TENM4: variants seen among roughly 807,000 people sequenced by gnomAD.
TENM4 encodes teneurin-4.
Under a neutral mutation model 243.3 loss-of-function variants are expected in TENM4, and 82 were observed. The observed-to-expected ratio is 0.34, with a 90% CI of 0.28 to 0.40. TENM4 has a LOEUF of 0.40. TENM4 is among the 10% of genes least tolerant of loss of function. The probability of loss-of-function intolerance (pLI) is 1.00; values close to 1 mark genes in which losing one functional copy is unlikely to be tolerated. For missense variants in TENM4, 3,138 were observed against 3,673.3 expected, an observed-to-expected ratio of 0.85 and a Z score of 3.77; for synonymous variants, 1,412 against 1,456.3, an observed-to-expected ratio of 0.97 and a Z score of 0.69.
chr11:78,917,685 G>A (rs554477718), intron 6 of TENM4, among the ~76,000 whole-genome samples: 1 of 152,224 alleles, frequency 6.6e-6, no homozygotes, highest in African/African-American at 2.4e-5. Context: ...AATATTGAAG[G>A]CTTGCTGGGC....
At chr11:78,880,723 C>G (rs1855412019) in intron 9 of TENM4, among the ~76,000 whole-genome samples, 1 of 152,184 alleles carries the variant, frequency 6.6e-6, no homozygotes, top group Non-Finnish European at 1.5e-5. Context: ...ATCTTGAATT[C>G]TGGATGATAC....
chr11:78,726,804 CA>C (rs1855522697), intron 22 of TENM4, among the ~76,000 whole-genome samples: 1 of 152,192 alleles, frequency 6.6e-6, no homozygotes, highest in African/African-American at 2.4e-5. Context: ...GAGGCTTCCC[CA>C]GAAGCAGATG....
intron 6 of TENM4, among the ~76,000 whole-genome samples, chr11:78,968,366 C>T (rs1857478181): frequency 6.6e-6 from 1 of 152,186 alleles, no homozygotes. Flanking sequence ...CTCACTGCAA[C>T]TTCCATCTCC....
chr11:78,798,597 G>A (rs1363559445), intron 15 of TENM4, among the ~76,000 whole-genome samples: 1 of 152,152 alleles, frequency 6.6e-6, no homozygotes, highest in Admixed American at 6.5e-5. Flanking sequence ...GCATTCAGCG[G>A]GCTCCGAGGT....
chr11:78,671,675 C>T (rs1257716512), intron 31 of TENM4, among the ~76,000 whole-genome samples: 2 of 152,220 alleles, frequency 1.3e-5, no homozygotes, highest in Non-Finnish European at 1.5e-5. Flanking sequence ...GATGCCTAGG[C>T]TTCTGCCTGG....
intron 6 of TENM4, among the ~76,000 whole-genome samples, chr11:78,943,000 A>G (rs1425727270): frequency 6.6e-6 from 1 of 152,182 alleles, no homozygotes; most frequent in Admixed American, 6.5e-5. Flanking sequence ...AAATCCAATG[A>G]AACTCTCCCT....
chr11:79,089,930 CA>C (rs1300914873), intron 4 of TENM4, among the ~76,000 whole-genome samples: 1 of 152,168 alleles, frequency 6.6e-6, no homozygotes, highest in East Asian at 1.9e-4. Context: ...AGCTGAGATT[CA>C]AAGCCCCACA....
Position 78,670,149 on chromosome 11 carries a change from G to A in TENM4, c.6196C>T (p.Arg2066Ter). ...TCCTCAGTGAAGCGGAAGATCTGTC[G>A]GTCAATCAGGGGCCCAATCTGACGG... is the stretch of plus-strand genomic sequence containing the variant. The part of the protein sequence containing the change: ...RYRQIGPLID[R>*]QIFRFTEEGM... The change falls in exon 32 of 34, where the codon CGA becomes TGA. Residue 2066 changes from arginine to a stop codon, truncating the protein, a stop_gained. Transcript: ENST00000278550. LOFTEE classifies it high-confidence loss of function. 2 of 1,613,910 alleles carry A rather than the reference G, an allele frequency of 1.2e-6. No homozygotes were observed. The highest frequency in any genetic ancestry group is 2.2e-5 in the South Asian group (2 of 91,046).
intron 3 of TENM4, among the ~76,000 whole-genome samples, chr11:79,192,095 G>T (rs900049954): frequency 6.7e-6 from 1 of 149,272 alleles, no homozygotes; most frequent in African/African-American, 2.5e-5. Context: ...GGGAGGTGGG[G>T]GGGGGTCAGC....
chr11:79,247,435 A>G (rs1855538564), intron 2 of TENM4, among the ~76,000 whole-genome samples: 1 of 150,892 alleles, frequency 6.6e-6, no homozygotes. Context: ...AAAAAAAAAA[A>G]AAAAGAAGAA....
At chr11:78,895,616 T>G in intron 7 of TENM4, among the ~76,000 whole-genome samples, 1 of 152,136 alleles carries the variant, frequency 6.6e-6, no homozygotes, top group East Asian at 1.9e-4. Flanking sequence ...ATGCCCACCT[T>G]TCTTGATGGG....
At chr11:79,215,603 G>T (rs561077303) in intron 3 of TENM4, among the ~76,000 whole-genome samples, 2 of 152,214 alleles carry the variant, frequency 1.3e-5, no homozygotes, top group East Asian at 1.9e-4. Flanking sequence ...TCCAGCAACC[G>T]TTGCCACCTA....
chr11:78,985,310 T>C (rs1857892406), intron 6 of TENM4, among the ~76,000 whole-genome samples: 1 of 151,842 alleles, frequency 6.6e-6, no homozygotes, highest in Non-Finnish European at 1.5e-5. Flanking sequence ...AAAAGACAAA[T>C]TGCTGGGCCA....
intron 6 of TENM4, among the ~76,000 whole-genome samples, chr11:79,054,758 C>T (rs973654961): frequency 6.6e-6 from 1 of 152,016 alleles, no homozygotes; most frequent in Non-Finnish European, 1.5e-5. Context: ...CAGTTACCAT[C>T]TTTTAAGCTT....
At chr11:78,956,772 G>C (rs1417063379) in intron 6 of TENM4, among the ~76,000 whole-genome samples, 1 of 152,200 alleles carries the variant, frequency 6.6e-6, no homozygotes, top group Non-Finnish European at 1.5e-5. Flanking sequence ...AACCTGACCT[G>C]AACTGACATG....
intron 3 of TENM4, among the ~76,000 whole-genome samples, chr11:79,213,023 G>T (rs2135219652): frequency 6.6e-6 from 1 of 152,310 alleles, no homozygotes; most frequent in Non-Finnish European, 1.5e-5. Flanking sequence ...TCAATGAGGA[G>T]CTATTCTTGC....
intron 1 of TENM4, among the ~76,000 whole-genome samples, chr11:79,326,698 A>G (rs1856980707): frequency 6.6e-6 from 1 of 152,188 alleles, no homozygotes; most frequent in African/African-American, 2.4e-5. Context: ...ACACAGAACC[A>G]TGAAGCTTGG....
intron 3 of TENM4, among the ~76,000 whole-genome samples, chr11:79,205,769 A>G (rs946169556): frequency 6.6e-6 from 1 of 152,212 alleles, no homozygotes; most frequent in African/African-American, 2.4e-5. Flanking sequence ...GAATGTTTTA[A>G]TTCTTGGACT....
chr11:79,319,671 C>A (rs1461738934), intron 1 of TENM4, among the ~76,000 whole-genome samples: 1 of 151,934 alleles, frequency 6.6e-6, no homozygotes, highest in African/African-American at 2.4e-5. Context: ...TTTATCCAGA[C>A]GATAGCAAAG....
Sources: gnomAD v4.1 joint callset for allele counts (sites outside exome capture counted in the v4.1 genomes callset) on GRCh38, gnomAD v4.1.1 for gene constraint, MANE v1.5 for transcripts, NCBI Gene and HGNC (gene_info 2026-07-23, HGNC 2026-07-21) for gene names.